Variants in WIF1 observed in about 807,000 individuals in gnomAD.
WIF1 encodes the protein Wnt inhibitory factor 1.
WIF1 carries 35 observed loss-of-function variants against 53.5 expected under a neutral mutation model. The ratio of observed to expected loss-of-function variants is 0.65; its 90% CI spans 0.50 to 0.87. The LOEUF is 0.87. WIF1 is among the 40% of genes least tolerant of loss of function. WIF1 has a pLI of 0.00. For missense variants in WIF1, 467 were observed against 476.8 expected (o/e 0.98, Z 0.19); for synonymous variants, 171 against 170.4 (o/e 1.00, Z -0.03).
At chr12:65,091,350 A>G (rs1883120518) in intron 2 of WIF1, among the ~76,000 whole-genome samples, 1 of 148,226 alleles carries the variant, frequency 6.7e-6, no homozygotes, top group Admixed American at 6.8e-5. Context: ...TATATAATAT[A>G]TATTATACAT....
intron 7 of WIF1, among the ~76,000 whole-genome samples, chr12:65,057,524 T>G (rs906448171): frequency 6.6e-6 from 1 of 152,224 alleles, no homozygotes; most frequent in Non-Finnish European, 1.5e-5. Context: ...ACTTTTTACC[T>G]AGAGCTGAAA....
intron 2 of WIF1, among the ~76,000 whole-genome samples, chr12:65,102,532 T>C (rs1883297684): frequency 1.3e-5 from 2 of 152,178 alleles, no homozygotes; most frequent in Non-Finnish European, 2.9e-5. Context: ...TGGACTCAAA[T>C]GTTAACCTCA....
intron 2 of WIF1, among the ~76,000 whole-genome samples, chr12:65,082,270 G>A (rs1020054889): frequency 2.6e-5 from 4 of 152,060 alleles, no homozygotes; most frequent in African/African-American, 9.7e-5. Context: ...TAAAGTTTGG[G>A]AACAATTTCC....
chr12:65,059,782 G>T (rs1882583207), intron 7 of WIF1, among the ~76,000 whole-genome samples: 1 of 151,992 alleles, frequency 6.6e-6, no homozygotes, highest in Non-Finnish European at 1.5e-5. Flanking sequence ...CTCCTGAATA[G>T]CTAGGACTAC....
At chr12:65,073,321 C>G (rs1882811385) in intron 3 of WIF1, among the ~76,000 whole-genome samples, 1 of 152,174 alleles carries the variant, frequency 6.6e-6, no homozygotes, top group East Asian at 1.9e-4. Context: ...GATGGTCTCT[C>G]CAGCATAAGC....
At chr12:65,070,019 C>G (rs1416754249) in intron 3 of WIF1, among the ~76,000 whole-genome samples, 3 of 152,162 alleles carry the variant, frequency 2.0e-5, no homozygotes, top group Non-Finnish European at 4.4e-5. Flanking sequence ...CTTGTGCAAA[C>G]TGTATCAAGC....
chr12:65,073,172 T>C (rs574328634), intron 3 of WIF1, among the ~76,000 whole-genome samples: 1 of 152,192 alleles, frequency 6.6e-6, no homozygotes, highest in Non-Finnish European at 1.5e-5. Context: ...GATCATGAAC[T>C]GCTACATCAC....
In WIF1 at chr12:65,082,858, G is replaced by A. The variant is rs1592395006; in HGVS notation, c.289-5004C>T. Among the ~76,000 whole-genome samples the A allele has an allele frequency of 6.6e-5, 10 of 152,290 alleles. No individual in the cohort carries two copies. In the East Asian group the frequency reaches 1.7e-3, roughly 26 times the overall value. On this transcript the variant is annotated intron_variant, in intron 2 of 9. Coordinates refer to ENST00000286574, the MANE Select transcript of WIF1 (RefSeq NM_007191.5). ...ACTTAATCTAATAAGCACAATAATT[G>A]TAGGAGCCTCTGAGTTAAGAATCAA...
chr12:65,121,041 T>C lies in WIF1; in HGVS notation c.148+3A>G, dbSNP rs1396362323. ...GGGAAGGCGCTGGAGGCGGGGGCCT[T>C]ACCTATGAGTACTCTTGCCTGGTGA... On this transcript the variant is annotated splice_donor_region_variant and intron_variant, in intron 1 of 9. Transcript: ENST00000286574. 8.1e-6 allele frequency: 12 copies of C among 1,475,156 alleles called. No homozygotes were observed. Among genetic ancestry groups the C allele is most frequent in the African/African-American group, 1.4e-5 (1 of 69,964 alleles). The allele number at this position is 1,475,156 out of a possible 1,614,324, so 91.4% of individuals were successfully genotyped here.
chr12:65,057,486 T>C (rs780716101), intron 7 of WIF1, among the ~76,000 whole-genome samples: 6 of 152,224 alleles, frequency 3.9e-5, no homozygotes, highest in Non-Finnish European at 7.3e-5. Flanking sequence ...TCCTAAGTCC[T>C]AGTTTTTGAA....
chr12:65,116,085 T>C (rs1329002034), intron 2 of WIF1, among the ~76,000 whole-genome samples: 2 of 152,176 alleles, frequency 1.3e-5, no homozygotes, highest in African/African-American at 2.4e-5. Flanking sequence ...AACCAAAACA[T>C]AATAGATGAA....
At chr12:65,093,327 G>A (rs988176944) in intron 2 of WIF1, among the ~76,000 whole-genome samples, 1 of 152,124 alleles carries the variant, frequency 6.6e-6, no homozygotes, top group Non-Finnish European at 1.5e-5. Context: ...GTAAAAGAGC[G>A]GCAGCAGATT....
intron 2 of WIF1, among the ~76,000 whole-genome samples, chr12:65,100,888 T>C: frequency 6.6e-6 from 1 of 151,932 alleles, no homozygotes; most frequent in East Asian, 1.9e-4. Flanking sequence ...CCACAAAATA[T>C]TGTGTAGCCA....
At chr12:65,079,754 TTA>T (rs1882920171) in intron 2 of WIF1, among the ~76,000 whole-genome samples, 2 of 152,090 alleles carry the variant, frequency 1.3e-5, no homozygotes, top group South Asian at 4.1e-4. Context: ...GGTTCTGCAG[TTA>T]CCTGTAGAGA....
chr12:65,053,569 A>T (rs546737316), intron 9 of WIF1, among the ~76,000 whole-genome samples: 2 of 152,228 alleles, frequency 1.3e-5, no homozygotes, highest in East Asian at 1.9e-4. Flanking sequence ...GCCTTCTGCC[A>T]CGATTGTAAG....
intron 2 of WIF1, among the ~76,000 whole-genome samples, chr12:65,111,653 T>C (rs979952234): frequency 1.3e-5 from 2 of 152,220 alleles, no homozygotes; most frequent in African/African-American, 2.4e-5. Flanking sequence ...ACTTCCACTT[T>C]CCAGGAATTG....
chr12:65,093,760 G>A (rs1334460830), intron 2 of WIF1, among the ~76,000 whole-genome samples: 2 of 152,076 alleles, frequency 1.3e-5, no homozygotes, highest in African/African-American at 4.8e-5. Context: ...GTTCCCGCAT[G>A]TGGATAGGTG....
chr12:65,099,333 G>T (rs1245633470), intron 2 of WIF1, among the ~76,000 whole-genome samples: 1 of 152,158 alleles, frequency 6.6e-6, no homozygotes, highest in Non-Finnish European at 1.5e-5. Context: ...CCCTCCATCA[G>T]ACCTGCCCAT....
intron 2 of WIF1, among the ~76,000 whole-genome samples, chr12:65,092,311 G>A (rs1883134603): frequency 6.6e-6 from 1 of 151,878 alleles, no homozygotes; most frequent in African/African-American, 2.4e-5. Flanking sequence ...GGGAAGGATA[G>A]CATTAGAGAA....
Sources: allele counts gnomAD v4.1 joint callset (sites outside exome capture counted in the v4.1 genomes callset), GRCh38; gene constraint gnomAD v4.1.1; transcripts MANE v1.5; gene names NCBI Gene and HGNC (gene_info 2026-07-23, HGNC 2026-07-21).